The following MLLT1 variants were observed in gnomAD, a reference collection of about 807,000 sequenced individuals.
MLLT1 encodes protein ENL.
In MLLT1, 11 loss-of-function variants were observed where a neutral mutation model predicts 55.1. The ratio of observed to expected loss-of-function variants is 0.20; its 90% CI spans 0.13 to 0.33. The LOEUF is 0.33. Among genes scored for constraint, MLLT1 ranks in the 10% least tolerant of loss-of-function variants. The pLI, the probability that MLLT1 is intolerant of heterozygous loss-of-function variation, is 1.00. For synonymous variants in MLLT1, 323 were observed against 320.1 expected, an observed-to-expected ratio of 1.01 and a Z score of -0.10; for missense variants, 536 against 760.6, an observed-to-expected ratio of 0.70 and a Z score of 3.47.
intron 8 of MLLT1, among the ~76,000 whole-genome samples, chr19:6,215,005 C>T (rs1490832431): frequency 2.0e-5 from 3 of 152,212 alleles, no homozygotes; most frequent in Admixed American, 6.5e-5. Flanking sequence ...GTCTGGCTCA[C>T]GTTGCCCAGG....
At chr19:6,213,672 T>TTGCCCCCCCCC in intron 10 of MLLT1, 54 bp downstream of exon 10, 1 of 1,075,346 alleles carries the variant, frequency 9.3e-7, no homozygotes, top group Non-Finnish European at 1.4e-6. Flanking sequence ...TGGCTGCAAC[T>TTGCCCCCCCCC]CCCACCACCC....
intron 3 of MLLT1, among the ~76,000 whole-genome samples, chr19:6,244,445 C>T (rs1444687268): frequency 6.6e-6 from 1 of 151,916 alleles, no homozygotes; most frequent in East Asian, 1.9e-4. Flanking sequence ...TTGACAGTCT[C>T]CCCCGCCTCT....
In MLLT1 at chr19:6,212,564, G is replaced by A; in HGVS notation, c.*478C>T. On this transcript the variant is annotated 3_prime_UTR_variant, in exon 12 of 12. Transcript: ENST00000252674. ...GAGGAGCCGGCGCTAGGTCTACACG[G>A]AGGACGACGCAGACACACAGGCAGG... 3.7e-6 allele frequency: 4 copies of A among 1,087,456 alleles called. No individual in the cohort carries two copies. Among genetic ancestry groups the A allele is most frequent in the Non-Finnish European group, 4.5e-6 (4 of 894,890 alleles). The allele number at this position is 1,087,456 out of a possible 1,614,324, so 67.4% of individuals were successfully genotyped here.
At chr19:6,278,117 T>C (rs2091436435) in intron 1 of MLLT1, among the ~76,000 whole-genome samples, 2 of 152,166 alleles carry the variant, frequency 1.3e-5, no homozygotes, top group African/African-American at 4.8e-5. Context: ...GCCACTTCAG[T>C]GGCGCCAGCA....
chr19:6,265,798 G>A (rs975071719), intron 2 of MLLT1, among the ~76,000 whole-genome samples: 1 of 152,088 alleles, frequency 6.6e-6, no homozygotes, highest in Non-Finnish European at 1.5e-5. Context: ...GACCAACATG[G>A]TGAAACCCTG....
At chr19:6,234,484 T>C (rs1460137850) in intron 3 of MLLT1, among the ~76,000 whole-genome samples, 1 of 152,164 alleles carries the variant, frequency 6.6e-6, no homozygotes, top group Non-Finnish European at 1.5e-5. Context: ...CTGCCTTTCC[T>C]ACAGAAGTGA....
intron 5 of MLLT1, among the ~76,000 whole-genome samples, chr19:6,225,908 C>T (rs2090952381): frequency 6.6e-6 from 1 of 152,214 alleles, no homozygotes; most frequent in Non-Finnish European, 1.5e-5. Flanking sequence ...AGAGCTTTTC[C>T]TTCATTGAGC....
intron 8 of MLLT1, among the ~76,000 whole-genome samples, chr19:6,214,296 C>G (rs1047034114): frequency 1.3e-5 from 2 of 152,178 alleles, no homozygotes; most frequent in Non-Finnish European, 1.5e-5. Flanking sequence ...CCGGGATACC[C>G]GGGACACAAA....
In MLLT1 at chr19:6,222,720, A is replaced by C. The variant is rs2090915022; in HGVS notation, c.547-36T>G. On this transcript the variant is annotated intron_variant, in intron 5 of 11. Coordinates refer to ENST00000252674, the MANE Select transcript of MLLT1 (RefSeq NM_005934.4). This position sits in a 1 kb window ranked among gnomAD's most constrained non-coding sequence, Gnocchi z 4.1. ...AAGAGCAGGGAGGGCAAGGGGAGAG[A>C]CAAGGTCACGTGGCATTGCGGGGCG... 1.3e-6 allele frequency: 2 copies of C among 1,488,220 alleles called. No individual in the cohort carries two copies. Among genetic ancestry groups the C allele is most frequent in the African/African-American group, 2.8e-5 (2 of 71,056 alleles). 92.2% of individuals were successfully genotyped at this position (1,488,220 alleles called of 1,614,324 possible). A position where few individuals can be genotyped will look rare whatever the true frequency, so the allele number is the denominator to read the frequency against.
At position 6,214,242 on chromosome 19, in the gene MLLT1, A is replaced by G. The variant is rs1042770020; in HGVS notation, c.1308-204T>C. 2.0e-4 allele frequency among the ~76,000 whole-genome samples: 31 copies of G among 152,074 alleles called. 1 individual carries two copies. Among genetic ancestry groups the G allele is most frequent in the African/African-American group, 7.0e-4 (29 of 41,392 alleles). The stretch of plus-strand genomic sequence containing the variant: ...GAAAGAACCCCAAGGAAACCAGGCC[A>G]CCCAGAGGCCCTTTGGGGGCCGCCC... On this transcript the variant is annotated intron_variant, in intron 8 of 11. Transcript: ENST00000252674.
In MLLT1 at chr19:6,219,808, G is replaced by A. The variant is rs1286983966; in HGVS notation, c.1111-1767C>T. ...GGGATGGAAGCAGAGAGGATGCTGA[G>A]CCCCGAGAGGCCCCCAAGCCTGTCC... On this transcript the variant is annotated intron_variant, in intron 6 of 11. Coordinates refer to ENST00000252674, the MANE Select transcript of MLLT1 (RefSeq NM_005934.4). This position sits in a 1 kb window ranked among gnomAD's most constrained non-coding sequence, Gnocchi z 4.5. Among the ~76,000 whole-genome samples the A allele has an allele frequency of 2.0e-5, 3 of 152,262 alleles. No individual in the cohort carries two copies. The highest frequency in any genetic ancestry group is 2.9e-5 in the Non-Finnish European group (2 of 68,046).
Position 6,222,775 on chromosome 19 carries a change from A to G in MLLT1, c.547-91T>C. ...GCTCCGCCACCCCTGACCCCTACAA[A>G]GCATAATCCACCTGATTCAGCCTCA... On this transcript the variant is annotated intron_variant, in intron 5 of 11. Coordinates refer to ENST00000252674, the MANE Select transcript of MLLT1 (RefSeq NM_005934.4). The surrounding 1 kb of genome is among the most constrained non-coding windows in gnomAD (Gnocchi z 4.1). 9.4e-7 allele frequency: 1 copy of G among 1,061,078 alleles called. No individual in the cohort carries two copies. 65.7% of individuals were successfully genotyped at this position (1,061,078 alleles called of 1,614,324 possible). A position where few individuals can be genotyped will look rare whatever the true frequency, so the allele number is the denominator to read the frequency against.
chr19:6,261,130 G>T (rs1485412052), intron 3 of MLLT1, among the ~76,000 whole-genome samples: 1 of 152,216 alleles, frequency 6.6e-6, no homozygotes, highest in African/African-American at 2.4e-5. Flanking sequence ...TGGCAGAGGG[G>T]TGGCCCCATA....
At position 6,270,559 on chromosome 19, in the gene MLLT1, C is replaced by CAGGGCTTG. The variant is rs2091387431; in HGVS notation, c.193+12_193+19dup. ...CAGATGGGTCCGTGCTGTGGGCACT[C>CAGGGCTTG]AGGGCTTGAGGCCACTCACCGCGTC... On this transcript the variant is annotated intron_variant, in intron 2 of 11. Transcript: ENST00000252674. This position sits in a 1 kb window ranked among gnomAD's most constrained non-coding sequence, Gnocchi z 7.1. 1.2e-6 allele frequency: 2 copies of CAGGGCTTG among 1,600,020 alleles called. No homozygotes were observed. Among genetic ancestry groups the CAGGGCTTG allele is most frequent in the Non-Finnish European group, 1.7e-6 (2 of 1,173,216 alleles).
In MLLT1 at chr19:6,273,951, C is replaced by A. The variant is rs1486867477; in HGVS notation, c.13-3192G>T. Among the ~76,000 whole-genome samples the A allele has an allele frequency of 6.6e-6, 1 of 152,220 alleles. No individual in the cohort carries two copies. The highest frequency in any genetic ancestry group is 2.4e-5 in the African/African-American group (1 of 41,438). On this transcript the variant is annotated intron_variant, in intron 1 of 11. Transcript: ENST00000252674. This position sits in a 1 kb window ranked among gnomAD's most constrained non-coding sequence, Gnocchi z 4.3. Reference sequence around the variant, plus strand: ...ACTGGAGAGGGGGAGGATGGAAGCACCAGAACTCCACCGCAGTGGCCAAAG... The same window carrying A: ...ACTGGAGAGGGGGAGGATGGAAGCAACAGAACTCCACCGCAGTGGCCAAAG...
intron 3 of MLLT1, among the ~76,000 whole-genome samples, chr19:6,249,326 G>T (rs1208589727): frequency 1.3e-5 from 2 of 152,126 alleles, no homozygotes; most frequent in Admixed American, 6.5e-5. Flanking sequence ...CTACTGGACA[G>T]CCCGGGGTCT....
chr19:6,222,533 A>G lies in MLLT1; in HGVS notation c.698T>C (p.Leu233Pro). Residue 233 changes from leucine (L) to proline (P), a missense_variant, in exon 6 of 12, where the codon CTG (leucine) becomes CCG (proline). Around this residue, in one of 3 missense-constraint regions of MLLT1, gnomAD observed 449 missense variants for 489.0 expected, o/e 0.92. Transcript: ENST00000252674. The surrounding 1 kb of genome is among the most constrained non-coding windows in gnomAD (Gnocchi z 4.1). ...AKSSKDTSRK[L>P]GEGRLPKEEK... ...CTCCTTGGGCAGCCGGCCCTCGCCCAGCTTCCGCGAGGTGTCCTTGGAGCT... is the reference window on the plus strand; with the variant it reads ...CTCCTTGGGCAGCCGGCCCTCGCCCGGCTTCCGCGAGGTGTCCTTGGAGCT... The G allele has an allele frequency of 6.2e-7, 1 of 1,600,416 alleles. No individual in the cohort carries two copies. Among genetic ancestry groups the G allele is most frequent in the Non-Finnish European group, 8.5e-7 (1 of 1,179,632 alleles).
chr19:6,212,965 C>A lies in MLLT1; in HGVS notation c.*77G>T. ...AAGGCAGTGCTGCGGGCAGGCGAGACGGGAGAGGAGGGCAGGCGAGGCCTG... is the reference window on the plus strand; with the variant it reads ...AAGGCAGTGCTGCGGGCAGGCGAGAAGGGAGAGGAGGGCAGGCGAGGCCTG... On this transcript the variant is annotated 3_prime_UTR_variant, in exon 12 of 12. Transcript: ENST00000252674. 6.4e-7 allele frequency: 1 copy of A among 1,561,182 alleles called. No individual in the cohort carries two copies. The highest frequency in any genetic ancestry group is 1.2e-5 in the South Asian group (1 of 85,724).
chr19:6,262,365 G>C lies in MLLT1; in HGVS notation c.194-55C>G. 1 of 1,490,148 alleles carries C rather than the reference G, an allele frequency of 6.7e-7. No homozygotes were observed. Among genetic ancestry groups the C allele is most frequent in the Non-Finnish European group, 9.3e-7 (1 of 1,073,728 alleles). The allele number at this position is 1,490,148 out of a possible 1,614,324, so 92.3% of individuals were successfully genotyped here. ...CAGCCTCCTGCCTGTTTCAGGCCCA[G>C]CTGCCAGCGGCAGTACCGCACCCCT... On this transcript the variant is annotated intron_variant, in intron 2 of 11. Transcript: ENST00000252674. This position sits in a 1 kb window ranked among gnomAD's most constrained non-coding sequence, Gnocchi z 4.4.
Sources: gnomAD v4.1 joint callset for allele counts (sites outside exome capture counted in the v4.1 genomes callset) on GRCh38, gnomAD v4.1.1 for gene constraint, gnomAD v4.1.1 regional missense constraint, Gnocchi (gnomAD v3.1) non-coding constraint, MANE v1.5 for transcripts, NCBI Gene and HGNC (gene_info 2026-07-23, HGNC 2026-07-21) for gene names.